The following MAGI2 variants were observed in gnomAD, a reference collection of about 807,000 sequenced individuals.
The protein encoded by MAGI2 is membrane-associated guanylate kinase, WW and PDZ domain-containing protein 2.
A neutral mutation model predicts 133.3 loss-of-function variants in MAGI2; 35 were observed. That is an observed-to-expected ratio of 0.26 (90% CI 0.20 to 0.35). The LOEUF (loss-of-function observed/expected upper bound fraction) is 0.35. Among genes scored for constraint, MAGI2 ranks in the 10% least tolerant of loss-of-function variants. MAGI2 has a pLI of 1.00. For missense variants in MAGI2, 1,636 were observed against 1,863.4 expected, an observed-to-expected ratio of 0.88 and a Z score of 2.25; for synonymous variants, 729 against 710.6, an observed-to-expected ratio of 1.03 and a Z score of -0.41.
intron 9 of MAGI2, among the ~76,000 whole-genome samples, chr7:78,321,351 G>T (rs1159078368): frequency 6.6e-6 from 1 of 152,048 alleles, no homozygotes; most frequent in Admixed American, 6.6e-5. Flanking sequence ...GAGGAATCAC[G>T]CTACCTGACT....
At chr7:78,824,103 G>T (rs1232325690) in intron 2 of MAGI2, among the ~76,000 whole-genome samples, 1 of 152,138 alleles carries the variant, frequency 6.6e-6, no homozygotes, top group African/African-American at 2.4e-5. Flanking sequence ...ACATTTAAAT[G>T]AAAACAAATG....
At chr7:78,915,828 G>T (rs969505275) in intron 2 of MAGI2, among the ~76,000 whole-genome samples, 14 of 151,752 alleles carry the variant, frequency 9.2e-5, no homozygotes, top group Non-Finnish European at 1.8e-4. Context: ...TAATAATATG[G>T]CAAGGAGTGG....
chr7:78,300,918 T>G (rs370222483), intron 9 of MAGI2, among the ~76,000 whole-genome samples: 71 of 152,364 alleles, frequency 4.7e-4, no homozygotes, highest in African/African-American at 1.6e-3. Flanking sequence ...TATTACAAAT[T>G]ATCAAAGAGG....
intron 14 of MAGI2, among the ~76,000 whole-genome samples, chr7:78,176,339 G>A (rs998849213): frequency 1.7e-4 from 26 of 152,176 alleles, no homozygotes; most frequent in African/African-American, 3.9e-4. Context: ...AGTTAGTGAC[G>A]TTCTGGTTGA....
chr7:78,664,765 CA>C (rs200465546), intron 2 of MAGI2, among the ~76,000 whole-genome samples: 14 of 151,206 alleles, frequency 9.3e-5, no homozygotes, highest in Non-Finnish European at 2.1e-4. Flanking sequence ...TAAGTAAAAA[CA>C]AAAAAATAAG....
intron 1 of MAGI2, among the ~76,000 whole-genome samples, chr7:79,423,416 T>C (rs1847117985): frequency 6.6e-6 from 1 of 151,970 alleles, no homozygotes; most frequent in African/African-American, 2.4e-5. Context: ...ATGAAATACA[T>C]ATTATACATT....
chr7:78,246,443 C>T (rs995950332), intron 10 of MAGI2, among the ~76,000 whole-genome samples: 1 of 152,150 alleles, frequency 6.6e-6, no homozygotes, highest in African/African-American at 2.4e-5. Flanking sequence ...AGAAACCCTG[C>T]ATCCCAGAGA....
At chr7:78,021,152 G>C (rs1423738029) in intron 21 of MAGI2, among the ~76,000 whole-genome samples, 1 of 152,154 alleles carries the variant, frequency 6.6e-6, no homozygotes, top group Non-Finnish European at 1.5e-5. Flanking sequence ...CAGTTCCCTG[G>C]AGCTTCTGGC....
chr7:78,222,598 A>G (rs541233554), intron 10 of MAGI2, among the ~76,000 whole-genome samples: 8 of 152,296 alleles, frequency 5.3e-5, no homozygotes, highest in African/African-American at 1.9e-4. Flanking sequence ...AAGGTTCTTA[A>G]TCATTGTTTG....
chr7:78,087,480 TATC>T (rs149856325), intron 20 of MAGI2, among the ~76,000 whole-genome samples: 6,169 of 152,050 alleles, frequency 0.041, 190 homozygotes, highest in African/African-American at 0.09. Context: ...TCATTATAAT[TATC>T]ATAATAACGG....
At chr7:79,055,637 T>G (rs1230936651) in intron 1 of MAGI2, among the ~76,000 whole-genome samples, 1 of 152,202 alleles carries the variant, frequency 6.6e-6, no homozygotes, top group Non-Finnish European at 1.5e-5. Flanking sequence ...ACATATGTAA[T>G]ATTCTAGCCA....
At chr7:78,738,310 G>GA (rs990875669) in intron 2 of MAGI2, among the ~76,000 whole-genome samples, 1 of 152,038 alleles carries the variant, frequency 6.6e-6, no homozygotes, top group Non-Finnish European at 1.5e-5. Flanking sequence ...GTCATAGCCT[G>GA]AAAATCTGTT....
chr7:79,394,753 G>T lies in MAGI2; in HGVS notation c.301+58267C>A, dbSNP rs1844915480. ...TAAAATGACACTATTTGTTTTTAAT[G>T]ACATTATTTGTTTTAATGTTTTTAA... On this transcript the variant is annotated intron_variant, in intron 1 of 21. Coordinates refer to ENST00000354212, the MANE Select transcript of MAGI2 (RefSeq NM_012301.4). 6.6e-5 allele frequency among the ~76,000 whole-genome samples: 10 copies of T among 152,196 alleles called. 1 individual carries two copies. The South Asian group carries it at 2.1e-3, about 32-fold the overall frequency.
intron 3 of MAGI2, among the ~76,000 whole-genome samples, chr7:78,525,709 A>C (rs1796892439): frequency 6.6e-6 from 1 of 152,226 alleles, no homozygotes; most frequent in African/African-American, 2.4e-5. Flanking sequence ...TGTGTCCCCT[A>C]ATCTCAATAC....
At chr7:79,407,334 T>A (rs1385908334) in intron 1 of MAGI2, among the ~76,000 whole-genome samples, 2 of 152,114 alleles carry the variant, frequency 1.3e-5, no homozygotes, top group African/African-American at 4.8e-5. Flanking sequence ...GCCACGTGAT[T>A]CTTACAAACC....
chr7:79,246,416 G>A (rs1832823675), intron 1 of MAGI2, among the ~76,000 whole-genome samples: 1 of 151,976 alleles, frequency 6.6e-6, no homozygotes, highest in African/African-American at 2.4e-5. Flanking sequence ...CACAAAGAAG[G>A]AATTAAGAAT....
intron 1 of MAGI2, among the ~76,000 whole-genome samples, chr7:79,442,770 A>G (rs1848574762): frequency 1.3e-5 from 2 of 152,126 alleles, no homozygotes; most frequent in South Asian, 4.1e-4. Context: ...CTACTCCCTA[A>G]GTATATGACT....
At chr7:79,316,544 G>T (rs1364556121) in intron 1 of MAGI2, among the ~76,000 whole-genome samples, 1 of 152,024 alleles carries the variant, frequency 6.6e-6, no homozygotes, top group Non-Finnish European at 1.5e-5. Context: ...TTTTAGCTTT[G>T]TTCTTACAAA....
chr7:78,221,949 CT>C (rs1462169535), intron 10 of MAGI2, among the ~76,000 whole-genome samples: 13 of 151,966 alleles, frequency 8.6e-5, no homozygotes, highest in African/African-American at 2.6e-4. Flanking sequence ...ATTTAGGAGG[CT>C]AAGGTGGGAG....
Sources: allele counts gnomAD v4.1 joint callset (sites outside exome capture counted in the v4.1 genomes callset), GRCh38; gene constraint gnomAD v4.1.1; transcripts MANE v1.5; gene names NCBI Gene and HGNC (gene_info 2026-07-23, HGNC 2026-07-21).